The following OLFM1 variants were observed in gnomAD, a reference collection of about 807,000 sequenced individuals.
OLFM1 encodes olfactomedin 1.
In OLFM1, 9 loss-of-function variants were observed where a neutral mutation model predicts 49.7. The ratio of observed to expected loss-of-function variants is 0.18; its 90% CI spans 0.11 to 0.32. The LOEUF is 0.32. Among genes scored for constraint, OLFM1 ranks in the 10% least tolerant of loss-of-function variants. The pLI is 1.00. For synonymous variants in OLFM1, 240 were observed against 271.8 expected, an observed-to-expected ratio of 0.88 and a Z score of 1.15; for missense variants, 369 against 661.8, an observed-to-expected ratio of 0.56 and a Z score of 4.85.
intron 5 of OLFM1, among the ~76,000 whole-genome samples, chr9:135,107,104 C>T (rs1044464807): frequency 3.3e-5 from 5 of 152,128 alleles, no homozygotes; most frequent in Admixed American, 1.3e-4. Context: ...TGGCTGTAGA[C>T]CCCTTCAAGG....
chr9:135,078,081 G>A (rs1346840053), intron 1 of OLFM1, among the ~76,000 whole-genome samples: 1 of 152,192 alleles, frequency 6.6e-6, no homozygotes, highest in East Asian at 1.9e-4. Flanking sequence ...GAGCTACTGG[G>A]GGACATCCAT....
chr9:135,076,382 C>A (rs1381995653), intron 1 of OLFM1: 3 of 1,513,288 alleles, frequency 2.0e-6, no homozygotes, highest in Admixed American at 2.1e-5. Flanking sequence ...TGGCCACATG[C>A]CCGGCAGGAG....
upstream of OLFM1, chr9:135,087,601 C>G: frequency 1.2e-6 from 1 of 815,970 alleles, no homozygotes; most frequent in Non-Finnish European, 1.7e-6. Flanking sequence ...GGGCGGATTG[C>G]GTCGGTCCCG....
intron 5 of OLFM1, among the ~76,000 whole-genome samples, chr9:135,114,160 T>A (rs1831063617): frequency 1.1e-5 from 1 of 89,746 alleles, no homozygotes; most frequent in African/African-American, 8.4e-5. Flanking sequence ...TGAGACAGGG[T>A]CTCACTCTGT....
chr9:135,081,474 A>G (rs1446415667), intron 1 of OLFM1, among the ~76,000 whole-genome samples: 1 of 152,062 alleles, frequency 6.6e-6, no homozygotes, highest in African/African-American at 2.4e-5. Context: ...AAAGCAGGGC[A>G]AGAAGGAGGG....
chr9:135,103,306 T>C (rs1830895902), intron 4 of OLFM1, among the ~76,000 whole-genome samples: 1 of 152,208 alleles, frequency 6.6e-6, no homozygotes, highest in South Asian at 2.1e-4. Flanking sequence ...CCATGGGCTT[T>C]TTTGGATCCT....
chr9:135,079,112 G>A (rs1476389085), intron 1 of OLFM1, among the ~76,000 whole-genome samples: 4 of 152,184 alleles, frequency 2.6e-5, no homozygotes, highest in East Asian at 1.9e-4. Flanking sequence ...AACCCTTGCC[G>A]CTTGGCACCT....
At chr9:135,076,295 C>T in intron 1 of OLFM1, 1 of 1,550,436 alleles carries the variant, frequency 6.4e-7, no homozygotes, top group African/African-American at 1.4e-5. Flanking sequence ...GATTGTGCCG[C>T]TGAGACCTGG....
intron 5 of OLFM1, among the ~76,000 whole-genome samples, chr9:135,116,931 C>T (rs1588224084): frequency 6.6e-6 from 1 of 151,126 alleles, no homozygotes; most frequent in Non-Finnish European, 1.5e-5. Context: ...TTGTAAGTAT[C>T]GAATGGATGT....
intron 5 of OLFM1, among the ~76,000 whole-genome samples, chr9:135,111,719 CT>C (rs980724036): frequency 1.8e-4 from 28 of 151,494 alleles, no homozygotes; most frequent in Non-Finnish European, 3.5e-4. Flanking sequence ...TTAGGATATT[CT>C]TTTTTTTTGA....
chr9:135,103,673 G>A (rs980663227), intron 4 of OLFM1, among the ~76,000 whole-genome samples: 1 of 152,236 alleles, frequency 6.6e-6, no homozygotes, highest in African/African-American at 2.4e-5. Flanking sequence ...GGTCCAGGGT[G>A]GGCGGGATGA....
At position 135,088,020 on chromosome 9, in the gene OLFM1, G is replaced by T; in HGVS notation, c.31G>T (p.Val11Leu). ...GGTGCCGCTGCTCAAGATCGGGGTC[G>T]TGCTGAGCACCATGGCCATGATCAC... is the stretch of plus-strand genomic sequence containing the variant. MSVPLLKIGV[V>L]LSTMAMITNW... is the part of the protein sequence containing the mutation. The change falls in exon 1 of 6, where the codon GTG becomes TTG. Residue 11 changes from valine to leucine, a missense_variant. Val to Leu is a conservative substitution (Grantham distance 32). Coordinates refer to ENST00000371793, the MANE Select transcript of OLFM1 (RefSeq NM_001282611.2). The surrounding 1 kb of genome is among the most constrained non-coding windows in gnomAD (Gnocchi z 4.8). 4 of 1,458,722 alleles carry T rather than the reference G, an allele frequency of 2.7e-6. No individual in the cohort carries two copies. Among genetic ancestry groups the T allele is most frequent in the South Asian group, 1.3e-5 (1 of 75,386 alleles). The allele number at this position is 1,458,722 out of a possible 1,614,324, so 90.4% of individuals were successfully genotyped here.
intron 1 of OLFM1, among the ~76,000 whole-genome samples, chr9:135,076,640 G>A (rs953343726): frequency 1.3e-5 from 2 of 152,108 alleles, no homozygotes. Flanking sequence ...GGCTGCTTGG[G>A]AGTGACATTA....
intron 4 of OLFM1, among the ~76,000 whole-genome samples, chr9:135,103,965 C>A (rs899842): frequency 0.48 from 72,239 of 152,078 alleles, 18,168 homozygotes; most frequent in Middle Eastern, 0.58. Context: ...AAGCCTTCGA[C>A]TTGGGAGGCT....
At chr9:135,115,310 G>A (rs1831082585) in intron 5 of OLFM1, among the ~76,000 whole-genome samples, 1 of 152,208 alleles carries the variant, frequency 6.6e-6, no homozygotes, top group East Asian at 1.9e-4. Flanking sequence ...GAAGAGGGAG[G>A]AGGCCGGCGA....
chr9:135,101,785 C>G (rs1222522857), intron 4 of OLFM1, among the ~76,000 whole-genome samples: 1 of 152,220 alleles, frequency 6.6e-6, no homozygotes, highest in Non-Finnish European at 1.5e-5. Flanking sequence ...GGTCAGTGCA[C>G]GATGCTGCTC....
intron 4 of OLFM1, among the ~76,000 whole-genome samples, chr9:135,099,958 C>T (rs981269096): frequency 2.6e-5 from 4 of 152,162 alleles, no homozygotes; most frequent in African/African-American, 9.7e-5. Flanking sequence ...ATAACTATTG[C>T]CCTTGGGTAC....
exon 1 of OLFM1, chr9:135,075,711 C>T (rs1830454648): frequency 5.0e-6 from 8 of 1,598,322 alleles, no homozygotes; most frequent in Non-Finnish European, 6.8e-6. Flanking sequence ...CCCTGCATGC[C>T]AGGTCGTTGG....
At chr9:135,116,979 C>T (rs1034348552) in intron 5 of OLFM1, among the ~76,000 whole-genome samples, 2 of 151,454 alleles carry the variant, frequency 1.3e-5, no homozygotes, top group Non-Finnish European at 2.9e-5. Flanking sequence ...TAATTTTTAG[C>T]GCGTGTGTAA....
Sources: allele counts gnomAD v4.1 joint callset (sites outside exome capture counted in the v4.1 genomes callset), GRCh38; gene constraint gnomAD v4.1.1; non-coding constraint Gnocchi (gnomAD v3.1); transcripts MANE v1.5; gene names NCBI Gene and HGNC (gene_info 2026-07-23, HGNC 2026-07-21).